The following MYO19 variants were observed in gnomAD, a reference collection of about 807,000 sequenced individuals.
MYO19 encodes unconventional myosin-XIX.
In MYO19, 132 loss-of-function variants were observed where a neutral mutation model predicts 129.2. That is an observed-to-expected ratio of 1.02 (90% CI 0.89 to 1.18). The LOEUF (loss-of-function observed/expected upper bound fraction) is 1.18, where lower values mean the gene tolerates loss of function less well. MYO19 is among the 50% of genes most tolerant of loss of function. The pLI, the probability that MYO19 is intolerant of heterozygous loss-of-function variation, is 0.00. For missense variants in MYO19, 1,210 were observed against 1,216.7 expected, an observed-to-expected ratio of 0.99 and a Z score of 0.08; for synonymous variants, 531 against 477.2, an observed-to-expected ratio of 1.11 and a Z score of -1.47.
intron 2 of MYO19, among the ~76,000 whole-genome samples, chr17:36,540,790 C>A (rs570626882): frequency 5.3e-5 from 8 of 152,268 alleles, no homozygotes; most frequent in African/African-American, 1.9e-4. Context: ...CATTCTGTGG[C>A]CATAGATTGT....
chr17:36,531,860 C>G (rs1306123755), intron 3 of MYO19, among the ~76,000 whole-genome samples: 3 of 152,178 alleles, frequency 2.0e-5, no homozygotes, highest in African/African-American at 7.2e-5. Context: ...CAGCCCAGTG[C>G]CTGGCAACAC....
rs961045731 is a variant in MYO19 at position 36,496,936 on chromosome 17, G to A, written c.2758-530C>T. On this transcript the variant is annotated intron_variant, in intron 25 of 25. Coordinates refer to ENST00000614623, the MANE Select transcript of MYO19 (RefSeq NM_001163735.2). Reference sequence around the variant, plus strand: ...GTGCAACATACTTTCACCTTTCCTCGGCCACTTTAATTCTATGAGGCCTGG... The same window carrying A: ...GTGCAACATACTTTCACCTTTCCTCAGCCACTTTAATTCTATGAGGCCTGG... 3.9e-5 allele frequency among the ~76,000 whole-genome samples: 6 copies of A among 152,114 alleles called. No homozygotes were observed. The East Asian group carries it at 1.2e-3, about 29-fold the overall frequency.
intron 6 of MYO19, among the ~76,000 whole-genome samples, chr17:36,519,998 C>CT (rs2073038552): frequency 6.6e-6 from 1 of 151,180 alleles, no homozygotes; most frequent in Non-Finnish European, 1.5e-5. Flanking sequence ...CTTTAAGATA[C>CT]TTTTTTTCCT....
At chr17:36,521,003 TGC>T (rs2073098396) in intron 6 of MYO19, among the ~76,000 whole-genome samples, 1 of 152,264 alleles carries the variant, frequency 6.6e-6, no homozygotes. Context: ...AGTTCACTAA[TGC>T]ATTCTTTTGC....
At chr17:36,538,114 AAGT>A, upstream of MYO19, 1 of 1,614,232 alleles carries the variant, frequency 6.2e-7, no homozygotes, top group Non-Finnish European at 8.5e-7. Flanking sequence ...GACTTGATAA[AAGT>A]AGCCTGTTTT....
intron 11 of MYO19, 40 bp downstream of exon 11, chr17:36,513,389 C>T (rs2072504492): frequency 1.2e-6 from 2 of 1,613,916 alleles, no homozygotes; most frequent in Non-Finnish European, 8.5e-7. Context: ...GGCTGCCCGT[C>T]ATCTCTGCCA....
chr17:36,534,371 GGA>G (rs1229463733), intron 1 of MYO19, among the ~76,000 whole-genome samples: 6 of 152,154 alleles, frequency 3.9e-5, no homozygotes, highest in Non-Finnish European at 8.8e-5. Context: ...CCTGGCACGG[GGA>G]GAGTATGTCC....
intron 18 of MYO19, among the ~76,000 whole-genome samples, chr17:36,505,678 C>T (rs1446908207): frequency 2.6e-5 from 4 of 152,172 alleles, no homozygotes; most frequent in Admixed American, 6.5e-5. Context: ...CCAATCTCCT[C>T]CTCTTTCCCC....
At chr17:36,532,708 CCA>C in intron 2 of MYO19, 27 bp from the exon 3 acceptor site, 1 of 782,762 alleles carries the variant, frequency 1.3e-6, no homozygotes, top group Non-Finnish European at 2.1e-6. Flanking sequence ...AAGACAAGGA[CCA>C]CACACAGGTG....
Position 36,510,839 on chromosome 17 carries a change from CT to C in MYO19, c.1063del (p.Arg355GlyfsTer28). 1 of 1,581,450 alleles carries C rather than the reference CT, an allele frequency of 6.3e-7. No homozygotes were observed. ...GAACACCTGCTGCTGTCTGCCTGCC[CT>C]GATGGTTCTAATCTGCACCATCTCC... ...LLEMVQIRTI[R>X]AGRQQQVFRK... On this transcript the variant is annotated frameshift_variant, in exon 13 of 26. Transcript: ENST00000614623. LOFTEE classifies it high-confidence loss of function.
intron 19 of MYO19, 120 bp from the exon 20 acceptor site, chr17:36,504,140 G>A (rs2071720250): frequency 2.7e-6 from 2 of 732,674 alleles, no homozygotes; most frequent in Admixed American, 3.5e-5. Flanking sequence ...CTCTCCCAAG[G>A]CTTGGCTAAT....
At chr17:36,498,748 C>T in intron 24 of MYO19, 189 bp from the exon 25 acceptor site, 1 of 631,778 alleles carries the variant, frequency 1.6e-6, no homozygotes. Context: ...GGCAACTGTG[C>T]TTAGGCCTTA....
chr17:36,522,060 A>G (rs2142254551), intron 6 of MYO19, among the ~76,000 whole-genome samples: 1 of 151,676 alleles, frequency 6.6e-6, no homozygotes. Context: ...AAAGAAAAAG[A>G]AAAAAGAAAA....
At chr17:36,498,677 T>G in intron 24 of MYO19, 118 bp from the exon 25 acceptor site, 1 of 1,234,318 alleles carries the variant, frequency 8.1e-7, no homozygotes, top group South Asian at 1.6e-5. Flanking sequence ...GGCACCTGGT[T>G]GCAAACAGCT....
intron 6 of MYO19, among the ~76,000 whole-genome samples, chr17:36,518,600 A>G (rs956548066): frequency 7.0e-6 from 1 of 143,840 alleles, no homozygotes; most frequent in East Asian, 2.0e-4. Flanking sequence ...GTATATATAT[A>G]TAAAAGTATG....
At chr17:36,514,305 A>C (rs1287729080) in intron 9 of MYO19, 141 bp downstream of exon 9, 12 of 657,332 alleles carry the variant, frequency 1.8e-5, no homozygotes, top group Non-Finnish European at 3.0e-5. Flanking sequence ...CTGCATGTAA[A>C]GTCTGCAGGA....
At chr17:36,544,793 G>T (rs3736165), upstream of MYO19, 1 of 152,566 alleles carries the variant, frequency 6.6e-6, no homozygotes, top group Non-Finnish European at 1.5e-5. Context: ...CGCACCCTCT[G>T]GGCGCAAATT....
At chr17:36,542,411 A>G (rs1204044405) in intron 1 of MYO19, among the ~76,000 whole-genome samples, 1 of 152,032 alleles carries the variant, frequency 6.6e-6, no homozygotes, top group Non-Finnish European at 1.5e-5. Context: ...GAAGTCTAAA[A>G]GGTTTAGGCT....
intron 19 of MYO19, 108 bp downstream of exon 19, chr17:36,505,189 G>T: frequency 9.9e-7 from 1 of 1,006,208 alleles, no homozygotes; most frequent in South Asian, 1.3e-5. Flanking sequence ...TGGCCGGAGA[G>T]ACCACTTCTG....
Sources: gnomAD v4.1 joint callset for allele counts (sites outside exome capture counted in the v4.1 genomes callset) on GRCh38, gnomAD v4.1.1 for gene constraint, MANE v1.5 for transcripts, NCBI Gene and HGNC (gene_info 2026-07-23, HGNC 2026-07-21) for gene names.